Variants in KIF26B observed in about 807,000 individuals in gnomAD.
The protein encoded by KIF26B is kinesin family member 26B.
A neutral mutation model predicts 151.2 loss-of-function variants in KIF26B; 63 were observed. That is an observed-to-expected ratio of 0.42 (90% CI 0.34 to 0.51). KIF26B has a LOEUF of 0.51. Among genes scored for constraint, KIF26B ranks in the 20% least tolerant of loss-of-function variants. The probability of loss-of-function intolerance (pLI) is 0.07; values close to 1 mark genes in which losing one functional copy is unlikely to be tolerated. For synonymous variants in KIF26B, 1,357 were observed against 1,262.1 expected, an observed-to-expected ratio of 1.08 and a Z score of -1.59; for missense variants, 2,813 against 2,913.6, an observed-to-expected ratio of 0.97 and a Z score of 0.79.
At chr1:245,675,346 A>G (rs2044345576) in intron 10 of KIF26B, among the ~76,000 whole-genome samples, 2 of 152,152 alleles carry the variant, frequency 1.3e-5, no homozygotes, top group Non-Finnish European at 2.9e-5. Context: ...TGTGACCCCA[A>G]AGCCCCTGCC....
intron 4 of KIF26B, among the ~76,000 whole-genome samples, chr1:245,446,401 A>G (rs1659251671): frequency 6.6e-6 from 1 of 152,180 alleles, no homozygotes; most frequent in African/African-American, 2.4e-5. Context: ...TAAATTTCAT[A>G]TAGTGTCAGT....
intron 2 of KIF26B, among the ~76,000 whole-genome samples, chr1:245,323,296 C>A (rs1056272010): frequency 6.6e-6 from 1 of 152,158 alleles, no homozygotes; most frequent in Non-Finnish European, 1.5e-5. Flanking sequence ...AACAGTCTCT[C>A]AGAAGGGGGA....
intron 10 of KIF26B, among the ~76,000 whole-genome samples, chr1:245,658,680 C>T (rs1349514935): frequency 6.6e-6 from 1 of 152,164 alleles, no homozygotes; most frequent in Non-Finnish European, 1.5e-5. Flanking sequence ...GTGGGAGCCA[C>T]TGTACCCAGC....
chr1:245,426,553 C>T (rs914315497), intron 4 of KIF26B, among the ~76,000 whole-genome samples: 1 of 152,182 alleles, frequency 6.6e-6, no homozygotes, highest in African/African-American at 2.4e-5. Context: ...TGAATGGCTC[C>T]CTGTGTTACC....
intron 2 of KIF26B, among the ~76,000 whole-genome samples, chr1:245,276,172 A>T (rs1372238347): frequency 6.6e-6 from 1 of 151,924 alleles, no homozygotes; most frequent in African/African-American, 2.4e-5. Flanking sequence ...GAAAACCTCG[A>T]CTCTATTAAA....
chr1:245,648,397 C>T (rs2043976774), intron 10 of KIF26B, among the ~76,000 whole-genome samples: 1 of 152,032 alleles, frequency 6.6e-6, no homozygotes, highest in African/African-American at 2.4e-5. Flanking sequence ...ACCTATATTC[C>T]TGGCACTTTG....
rs577376888 is a variant in KIF26B, at chr1:245,642,134, C to T, written c.2099-3987C>T. ...TACTTGTGTTATGTGGGAACACTGG[C>T]CACCAGGGACCTGAGTCCTGAAGAC... On this transcript the variant is annotated intron_variant, in intron 9 of 14. Coordinates refer to ENST00000407071, the MANE Select transcript of KIF26B (RefSeq NM_018012.4). Among the ~76,000 whole-genome samples, 4 of 152,302 alleles carry T rather than the reference C, an allele frequency of 2.6e-5. No homozygotes were observed. In the South Asian group the frequency reaches 8.3e-4, roughly 32 times the overall value.
At chr1:245,675,658 G>A (rs1022910660) in intron 10 of KIF26B, among the ~76,000 whole-genome samples, 18 of 152,142 alleles carry the variant, frequency 1.2e-4, no homozygotes, top group African/African-American at 4.3e-4. Context: ...AACATGGAAT[G>A]TTCTTAAACA....
intron 2 of KIF26B, among the ~76,000 whole-genome samples, chr1:245,313,953 C>T (rs1471295337): frequency 2.0e-5 from 3 of 152,188 alleles, no homozygotes; most frequent in African/African-American, 7.2e-5. Flanking sequence ...AAGCTCCTTT[C>T]AGTCCTCTCA....
At chr1:245,301,759 G>C (rs1671432554) in intron 2 of KIF26B, among the ~76,000 whole-genome samples, 1 of 152,134 alleles carries the variant, frequency 6.6e-6, no homozygotes, top group African/African-American at 2.4e-5. Flanking sequence ...ACAGCCTGTG[G>C]GTGAACCGCA....
intron 2 of KIF26B, among the ~76,000 whole-genome samples, chr1:245,303,430 C>T (rs972128117): frequency 1.3e-5 from 2 of 150,694 alleles, no homozygotes; most frequent in Non-Finnish European, 2.9e-5. Context: ...GATCTCCTGA[C>T]CTCGTGATCC....
chr1:245,590,959 C>G (rs1463560835), intron 5 of KIF26B, among the ~76,000 whole-genome samples: 3 of 150,506 alleles, frequency 2.0e-5, no homozygotes, highest in Non-Finnish European at 4.4e-5. Flanking sequence ...AGTGTGGTGT[C>G]TGTCTCAGCT....
At position 245,582,524 on chromosome 1, in the gene KIF26B, C is replaced by T. The variant is rs192414738; in HGVS notation, c.1351-20053C>T. Reference sequence around the variant, plus strand: ...GAACCACAGCAGCACAAGGAAAAAACGACTTTAACTCGTTCCATAAAACTT... The same window carrying T: ...GAACCACAGCAGCACAAGGAAAAAATGACTTTAACTCGTTCCATAAAACTT... On this transcript the variant is annotated intron_variant, in intron 5 of 14. Transcript: ENST00000407071. Among the ~76,000 whole-genome samples the T allele has an allele frequency of 5.3e-3, 808 of 152,010 alleles. 5 individuals carry two copies. The highest frequency in any genetic ancestry group is 8.5e-3 in the Non-Finnish European group (580 of 67,990).
chr1:245,398,805 C>T (rs10924190), intron 3 of KIF26B, among the ~76,000 whole-genome samples: 15,391 of 150,992 alleles, frequency 0.1, 994 homozygotes, highest in East Asian at 0.24. Flanking sequence ...TATATAATTT[C>T]CTGGAAATAA....
At chr1:245,371,416 C>G (rs1423618189) in intron 3 of KIF26B, 1 of 152,270 alleles carries the variant, frequency 6.6e-6, no homozygotes, top group Non-Finnish European at 1.5e-5. Flanking sequence ...CTTCCCTCCC[C>G]ACAGAGCAGA....
chr1:245,312,506 T>C (rs141285573), intron 2 of KIF26B, among the ~76,000 whole-genome samples: 13 of 152,064 alleles, frequency 8.5e-5, no homozygotes, highest in Non-Finnish European at 1.8e-4. Flanking sequence ...TTCCTTTTCT[T>C]CTCCCCTAGG....
chr1:245,547,442 C>T (rs191051175), intron 5 of KIF26B, among the ~76,000 whole-genome samples: 3 of 152,060 alleles, frequency 2.0e-5, no homozygotes, highest in African/African-American at 4.8e-5. Context: ...AAAAATTAGC[C>T]AGGCATGGTG....
intron 2 of KIF26B, among the ~76,000 whole-genome samples, chr1:245,180,758 T>C (rs1668892127): frequency 6.6e-6 from 1 of 152,192 alleles, no homozygotes; most frequent in African/African-American, 2.4e-5. Context: ...GAAGCCGAGC[T>C]ACAGAGACAT....
chr1:245,500,829 G>A (rs184254053), intron 4 of KIF26B, among the ~76,000 whole-genome samples: 4 of 152,198 alleles, frequency 2.6e-5, no homozygotes, highest in Non-Finnish European at 4.4e-5. Flanking sequence ...TGTATCTTAC[G>A]CAAGAGCTGC....
Sources: allele counts gnomAD v4.1 joint callset (sites outside exome capture counted in the v4.1 genomes callset), GRCh38; gene constraint gnomAD v4.1.1; transcripts MANE v1.5; gene names NCBI Gene and HGNC (gene_info 2026-07-23, HGNC 2026-07-21).